Variants in BBS9 observed in about 807,000 individuals in gnomAD.
BBS9 encodes the protein Bardet-Biedl syndrome 9.
BBS9 carries 89 observed loss-of-function variants against 117.7 expected under a neutral mutation model. The ratio of observed to expected loss-of-function variants is 0.76; its 90% CI spans 0.64 to 0.90. The LOEUF is 0.90. Ranked by LOEUF, BBS9 falls within the 40% of genes least tolerant of loss-of-function variation. The pLI is 0.00. For synonymous variants in BBS9, 379 were observed against 370.9 expected (o/e 1.02, Z -0.25); for missense variants, 982 against 1,042.2 (o/e 0.94, Z 0.80).
At position 33,274,075 on chromosome 7, in the gene BBS9, G is replaced by A. The variant is rs899062547; in HGVS notation, c.1016+119G>A. On this transcript the variant is annotated intron_variant, in intron 9 of 22. Coordinates refer to ENST00000242067, the MANE Select transcript of BBS9 (RefSeq NM_198428.3). Reference sequence around the variant, plus strand: ...AAAATTACAGGTGACATTGTAGTATGAATGTCAATAATAAAAGTAATTTAA... The same window carrying A: ...AAAATTACAGGTGACATTGTAGTATAAATGTCAATAATAAAAGTAATTTAA... The A allele has an allele frequency of 7.8e-6, 8 of 1,027,106 alleles. No homozygotes were observed. In the African/African-American group the frequency reaches 9.6e-5, roughly 12 times the overall value. The allele number at this position is 1,027,106 out of a possible 1,614,324, so 63.6% of individuals were successfully genotyped here. A position where few individuals can be genotyped will look rare whatever the true frequency, so the allele number is the denominator to read the frequency against.
At chr7:33,167,255 G>A (rs975891480) in intron 4 of BBS9, among the ~76,000 whole-genome samples, 5 of 152,064 alleles carry the variant, frequency 3.3e-5, no homozygotes, top group East Asian at 1.9e-4. Context: ...CATGGAGTTC[G>A]TTCACATTGT....
intron 19 of BBS9, among the ~76,000 whole-genome samples, chr7:33,444,822 A>G (rs1836752493): frequency 6.6e-6 from 1 of 152,216 alleles, no homozygotes; most frequent in Non-Finnish European, 1.5e-5. Flanking sequence ...GCCCAGTATA[A>G]TCTATTCTCC....
intron 20 of BBS9, among the ~76,000 whole-genome samples, chr7:33,531,456 C>G (rs1850568515): frequency 6.6e-6 from 1 of 152,126 alleles, no homozygotes; most frequent in Non-Finnish European, 1.5e-5. Flanking sequence ...ACCTACACTC[C>G]AAGCCGCAGC....
intron 21 of BBS9, among the ~76,000 whole-genome samples, chr7:33,561,454 T>C (rs1856073217): frequency 6.6e-6 from 1 of 152,192 alleles, no homozygotes; most frequent in Admixed American, 6.5e-5. Context: ...CTCTAGCCTT[T>C]CCCAAATCGT....
Position 33,512,728 on chromosome 7 carries a change from T to C in BBS9, c.2298+7083T>C, listed in dbSNP as rs551926629. On this transcript the variant is annotated intron_variant, in intron 20 of 22. Transcript: ENST00000242067. ...TTAGAAACATATACATGGAAATTGCTGGCCTTCGTTCCTTTAAAAGCAGCA... is the reference window on the plus strand; with the variant it reads ...TTAGAAACATATACATGGAAATTGCCGGCCTTCGTTCCTTTAAAAGCAGCA... Among the ~76,000 whole-genome samples, 4 of 152,346 alleles carry C rather than the reference T, an allele frequency of 2.6e-5. No homozygotes were observed. The East Asian group carries it at 5.8e-4, about 22-fold the overall frequency.
intron 9 of BBS9, among the ~76,000 whole-genome samples, chr7:33,315,878 A>G (rs115581787): frequency 2.3e-3 from 344 of 152,318 alleles, no homozygotes; most frequent in African/African-American, 8.1e-3. Context: ...TCCTGTGCAC[A>G]CAGCACTAAG....
chr7:33,172,216 T>C (rs1055086060), intron 4 of BBS9, among the ~76,000 whole-genome samples: 5 of 151,610 alleles, frequency 3.3e-5, no homozygotes, highest in African/African-American at 1.2e-4. Flanking sequence ...CCATCTCTAC[T>C]AAAAAATACA....
chr7:33,621,639 T>A (rs969180969), intron 21 of BBS9, among the ~76,000 whole-genome samples: 3 of 152,042 alleles, frequency 2.0e-5, no homozygotes, highest in Admixed American at 6.6e-5. Flanking sequence ...CTTAAAAAAA[T>A]TAAAAATAGA....
chr7:33,565,329 A>G (rs1380164142), intron 21 of BBS9, among the ~76,000 whole-genome samples: 1 of 152,130 alleles, frequency 6.6e-6, no homozygotes, highest in Admixed American at 6.6e-5. Flanking sequence ...GGTATGAGGA[A>G]GCCTGATTCT....
intron 9 of BBS9, among the ~76,000 whole-genome samples, chr7:33,295,680 G>C (rs1389587865): frequency 1.3e-5 from 2 of 151,832 alleles, no homozygotes; most frequent in African/African-American, 4.8e-5. Context: ...CTTAAGATAC[G>C]GTTAAGAGAG....
chr7:33,561,208 T>G (rs369763125), intron 21 of BBS9, among the ~76,000 whole-genome samples: 17 of 152,296 alleles, frequency 1.1e-4, no homozygotes, highest in African/African-American at 4.1e-4. Flanking sequence ...TTTAAAGTGC[T>G]TTAGAGTTGT....
At chr7:33,618,496 A>C (rs1450336975) in intron 21 of BBS9, among the ~76,000 whole-genome samples, 1 of 152,170 alleles carries the variant, frequency 6.6e-6, no homozygotes, top group Non-Finnish European at 1.5e-5. Context: ...TTAAAATTAA[A>C]AGACAAAAGT....
intron 5 of BBS9, among the ~76,000 whole-genome samples, chr7:33,193,126 A>G (rs1784392141): frequency 6.6e-6 from 1 of 152,170 alleles, no homozygotes; most frequent in Non-Finnish European, 1.5e-5. Context: ...GATTTGGTAA[A>G]TGATACCATA....
chr7:33,390,761 C>G (rs1218334427), intron 19 of BBS9: 6 of 308,162 alleles, frequency 1.9e-5, no homozygotes, highest in Non-Finnish European at 2.8e-5. Context: ...ATCATCTGCT[C>G]AGAAATGTAA....
intron 5 of BBS9, among the ~76,000 whole-genome samples, chr7:33,217,310 A>G (rs1161730756): frequency 6.6e-6 from 1 of 152,042 alleles, no homozygotes; most frequent in Non-Finnish European, 1.5e-5. Context: ...GTTTTGCTAA[A>G]CAGGTTGTGT....
chr7:33,370,751 C>G (rs762081802), intron 17 of BBS9, among the ~76,000 whole-genome samples: 13 of 152,152 alleles, frequency 8.5e-5, no homozygotes, highest in Non-Finnish European at 1.8e-4. Context: ...CCATATACAA[C>G]AAACACTGCT....
chr7:33,349,999 A>G (rs1356678920), intron 13 of BBS9, among the ~76,000 whole-genome samples: 1 of 152,238 alleles, frequency 6.6e-6, no homozygotes, highest in Admixed American at 6.5e-5. Flanking sequence ...AAGTAAATCT[A>G]TAAAAGATAT....
chr7:33,419,635 C>A (rs1178620876), intron 19 of BBS9, among the ~76,000 whole-genome samples: 1 of 152,024 alleles, frequency 6.6e-6, no homozygotes, highest in Non-Finnish European at 1.5e-5. Context: ...ATTTTTCAAA[C>A]TTATAGTGAA....
chr7:33,447,553 C>A (rs1837174693), intron 19 of BBS9, among the ~76,000 whole-genome samples: 1 of 152,152 alleles, frequency 6.6e-6, no homozygotes, highest in South Asian at 2.1e-4. Flanking sequence ...GGTTAGTCAT[C>A]CAACTGTTTC....
Sources: allele counts gnomAD v4.1 joint callset (sites outside exome capture counted in the v4.1 genomes callset), GRCh38; gene constraint gnomAD v4.1.1; transcripts MANE v1.5; gene names NCBI Gene and HGNC (gene_info 2026-07-23, HGNC 2026-07-21).